The following PDZD2 variants were observed in gnomAD, a reference collection of about 807,000 sequenced individuals.
PDZD2 encodes PDZ domain containing 2.
PDZD2 carries 90 observed loss-of-function variants against 220.7 expected under a neutral mutation model. The ratio of observed to expected loss-of-function variants is 0.41; its 90% confidence interval spans 0.34 to 0.49. The LOEUF (loss-of-function observed/expected upper bound fraction) is 0.49, where lower values mean the gene tolerates loss of function less well. PDZD2 is among the 20% of genes least tolerant of loss of function. PDZD2 has a pLI of 0.28. For missense variants in PDZD2, 3,174 were observed against 3,608.5 expected, an observed-to-expected ratio of 0.88 and a Z score of 3.08; for synonymous variants, 1,375 against 1,450.5, an observed-to-expected ratio of 0.95 and a Z score of 1.18.
chr5:32,044,956 AT>A (rs1271552955), intron 7 of PDZD2, among the ~76,000 whole-genome samples: 1 of 152,218 alleles, frequency 6.6e-6, no homozygotes, highest in African/African-American at 2.4e-5. Context: ...TTACATGCAG[AT>A]TTTTAATGTG....
rs1554046223 is a variant in PDZD2 at position 32,109,891 on chromosome 5, C to CT, written c.*1757dup. On this transcript the variant is annotated 3_prime_UTR_variant, in exon 25 of 25. Transcript: ENST00000438447. Reference sequence around the variant, plus strand: ...GATGAGAGAGAAATAGCTGGCTTGTCTGAGTCCAGATTTCTCATCAACTGG... The same window carrying CT: ...GATGAGAGAGAAATAGCTGGCTTGTCTTGAGTCCAGATTTCTCATCAACTGG... The CT allele has an allele frequency of 3.3e-5, 5 of 152,610 alleles. No homozygotes were observed. The highest frequency in any genetic ancestry group is 1.2e-4 in the African/African-American group (5 of 41,436). The allele number at this position is 152,610 out of a possible 1,614,324, so 9.5% of individuals were successfully genotyped here. A position where few individuals can be genotyped will look rare whatever the true frequency, so the allele number is the denominator to read the frequency against.
intron 6 of PDZD2, among the ~76,000 whole-genome samples, chr5:32,028,328 G>A (rs941618725): frequency 6.6e-6 from 1 of 152,262 alleles, no homozygotes; most frequent in African/African-American, 2.4e-5. Context: ...TTGGACCTAA[G>A]AGGCCTGTCT....
intron 2 of PDZD2, among the ~76,000 whole-genome samples, chr5:31,847,036 AT>A (rs1240060989): frequency 6.6e-6 from 1 of 152,182 alleles, no homozygotes; most frequent in Admixed American, 6.5e-5. Flanking sequence ...CTCATGAATC[AT>A]CTATTGTTGA....
chr5:31,833,635 C>CAAAAAAA (rs75394129), intron 2 of PDZD2, among the ~76,000 whole-genome samples: 20 of 125,834 alleles, frequency 1.6e-4, no homozygotes, highest in South Asian at 2.6e-4. Context: ...GACCCTGTCT[C>CAAAAAAA]AAAAAAAAAA....
chr5:32,089,292 A>G lies in PDZD2; in HGVS notation c.5844A>G (p.Thr1948=), dbSNP rs558506117. 3 of 1,614,126 alleles carry G rather than the reference A, an allele frequency of 1.9e-6. No homozygotes were observed. Among genetic ancestry groups the G allele is most frequent in the African/African-American group, 2.7e-5 (2 of 75,040 alleles). ...ACGAGGACCCTGACAGAAACACCAC[A>G]GCTGCCCCCAGGTCCCCCCAGTGTG... ...ADHEDPDRNT[T]AAPRSPQCVL... Residue 1948 remains threonine, a synonymous_variant, in exon 20 of 25, where the codon ACA becomes ACG. Transcript: ENST00000438447.
intron 1 of PDZD2, among the ~76,000 whole-genome samples, chr5:31,670,087 G>T (rs1022284550): frequency 6.6e-6 from 1 of 152,164 alleles, no homozygotes; most frequent in East Asian, 1.9e-4. Flanking sequence ...TGCAGAGCGG[G>T]CACTCCTAAC....
In PDZD2 at chr5:31,849,931, T is replaced by C. The variant is rs1455396978; in HGVS notation, c.476+50207T>C. Among the ~76,000 whole-genome samples, 14 of 19,994 alleles carry C rather than the reference T, an allele frequency of 7.0e-4. 1 individual carries two copies. The highest frequency in any genetic ancestry group is 2.3e-3 in the Admixed American group (4 of 1,730). 13.1% of individuals were successfully genotyped at this position (19,994 alleles called of 152,430 possible). On this transcript the variant is annotated intron_variant, in intron 2 of 24. Transcript: ENST00000438447. ...ATATATATATATACATATATATATATACACATATATATATATACATATATA... is the reference window on the plus strand; with the variant it reads ...ATATATATATATACATATATATATACACACATATATATATATACATATATA...
At position 32,009,390 on chromosome 5, in the gene PDZD2, G is replaced by A. The variant is rs562785906; in HGVS notation, c.1255-940G>A. Among the ~76,000 whole-genome samples, 18 of 151,934 alleles carry A rather than the reference G, an allele frequency of 1.2e-4. 1 individual carries two copies. Among genetic ancestry groups the A allele is most frequent in the African/African-American group, 3.1e-4 (13 of 41,426 alleles). On this transcript the variant is annotated intron_variant, in intron 5 of 24. Coordinates refer to ENST00000438447, the MANE Select transcript of PDZD2 (RefSeq NM_178140.4). ...AAAAAATCAATAAAAAAAAGATGCT[G>A]ACCTCTTTAGACAGCATCCTGAAAG...
intron 1 of PDZD2, among the ~76,000 whole-genome samples, chr5:31,654,171 G>A (rs554510212): frequency 9.5e-4 from 145 of 152,204 alleles, no homozygotes; most frequent in African/African-American, 3.2e-3. Flanking sequence ...TGCTCCTATC[G>A]TTGTTGTGAA....
intron 2 of PDZD2, among the ~76,000 whole-genome samples, chr5:31,850,479 T>A (rs1757991723): frequency 6.6e-6 from 1 of 151,700 alleles, no homozygotes; most frequent in Non-Finnish European, 1.5e-5. Context: ...ATAGAAGGCG[T>A]TTTCTAGCCT....
At chr5:31,691,210 C>T (rs1211894726) in intron 1 of PDZD2, among the ~76,000 whole-genome samples, 2 of 151,940 alleles carry the variant, frequency 1.3e-5, no homozygotes, top group Non-Finnish European at 2.9e-5. Flanking sequence ...TGCAGACCTT[C>T]GCGGTGAGTG....
intron 1 of PDZD2, among the ~76,000 whole-genome samples, chr5:31,653,732 A>G (rs947503841): frequency 6.6e-6 from 1 of 152,102 alleles, no homozygotes; most frequent in Non-Finnish European, 1.5e-5. Flanking sequence ...TTTGACACCT[A>G]CTATGTGGTA....
chr5:32,104,929 G>A (rs1422067739), intron 24 of PDZD2, among the ~76,000 whole-genome samples: 1 of 151,856 alleles, frequency 6.6e-6, no homozygotes, highest in East Asian at 1.9e-4. Context: ...GAGCCCAGGA[G>A]TTCAAGACCG....
intron 1 of PDZD2, among the ~76,000 whole-genome samples, chr5:31,715,375 T>C (rs1748386019): frequency 6.6e-6 from 1 of 152,244 alleles, no homozygotes; most frequent in African/African-American, 2.4e-5. Context: ...CATGCTTCTT[T>C]CTGGTCCAGT....
intron 1 of PDZD2, chr5:31,742,366 T>C (rs1291202676): frequency 2.0e-5 from 3 of 152,134 alleles, no homozygotes; most frequent in East Asian, 1.9e-4. Context: ...CTGAAATGGT[T>C]GTAAATATTT....
At chr5:31,641,992 G>A (rs1744966321) in intron 1 of PDZD2, among the ~76,000 whole-genome samples, 1 of 152,116 alleles carries the variant, frequency 6.6e-6, no homozygotes, top group Non-Finnish European at 1.5e-5. Context: ...AGGGTGTTGT[G>A]GAAACCCTCT....
rs568310633 is a variant in PDZD2, at chr5:31,700,127, G to A, written c.-361+60690G>A. On this transcript the variant is annotated intron_variant, in intron 1 of 24. Coordinates refer to ENST00000438447, the MANE Select transcript of PDZD2 (RefSeq NM_178140.4). Reference sequence around the variant, plus strand: ...CTCGAATGAGAGCCAGGCAGAGGCCGTGGGAATGGATTGGGGGACACGAGA... The same window carrying A: ...CTCGAATGAGAGCCAGGCAGAGGCCATGGGAATGGATTGGGGGACACGAGA... 1.6e-3 allele frequency among the ~76,000 whole-genome samples: 245 copies of A among 152,268 alleles called. 1 individual carries two copies. Among genetic ancestry groups the A allele is most frequent in the African/African-American group, 5.6e-3 (231 of 41,540 alleles).
chr5:31,729,065 G>A (rs1749351505), intron 1 of PDZD2, among the ~76,000 whole-genome samples: 1 of 149,382 alleles, frequency 6.7e-6, no homozygotes, highest in South Asian at 2.1e-4. Flanking sequence ...TTAATCAAAT[G>A]AGATACATAG....
intron 2 of PDZD2, among the ~76,000 whole-genome samples, chr5:31,963,847 C>T (rs991843037): frequency 2.0e-5 from 3 of 152,076 alleles, no homozygotes; most frequent in African/African-American, 7.2e-5. Flanking sequence ...CTCAATCCCC[C>T]AATGCCCAGC....
Sources: allele counts gnomAD v4.1 joint callset (sites outside exome capture counted in the v4.1 genomes callset), GRCh38; gene constraint gnomAD v4.1.1; transcripts MANE v1.5; gene names NCBI Gene and HGNC (gene_info 2026-07-23, HGNC 2026-07-21).